The following FABP6 variants were observed in gnomAD, a reference collection of about 807,000 sequenced individuals.
The protein encoded by FABP6 is fatty acid binding protein 6, also known as gastrotropin.
In FABP6, 13 loss-of-function variants were observed where a neutral mutation model predicts 14.9. That is an observed-to-expected ratio of 0.87 (90% confidence interval 0.57 to 1.39). The LOEUF (loss-of-function observed/expected upper bound fraction) is 1.39. Among genes scored for constraint, FABP6 ranks in the 40% most tolerant of loss-of-function variants. The pLI is 0.00. For missense variants in FABP6, 161 were observed against 167.2 expected, an observed-to-expected ratio of 0.96 and a Z score of 0.20; for synonymous variants, 75 against 63.6, an observed-to-expected ratio of 1.18 and a Z score of -0.85.
At chr5:160,218,314 A>G (rs1760058802) in intron 3 of FABP6, among the ~76,000 whole-genome samples, 1 of 152,152 alleles carries the variant, frequency 6.6e-6, no homozygotes, top group Admixed American at 6.6e-5. Context: ...ACACAAAAAA[A>G]TAAATAAGGT....
intron 1 of FABP6, among the ~76,000 whole-genome samples, chr5:160,231,551 G>A (rs548803726): frequency 1.3e-5 from 2 of 152,138 alleles, no homozygotes; most frequent in Admixed American, 6.5e-5. Context: ...CTGCCACCAT[G>A]CCCAGATAAT....
intron 3 of FABP6, among the ~76,000 whole-genome samples, chr5:160,219,439 G>T (rs868445679): frequency 6.6e-6 from 1 of 152,178 alleles, no homozygotes; most frequent in Non-Finnish European, 1.5e-5. Flanking sequence ...TATGGAGGCA[G>T]TTTGAGTTCA....
At chr5:160,225,729 C>T (rs987651192), upstream of FABP6, among the ~76,000 whole-genome samples, 84 of 152,130 alleles carry the variant, frequency 5.5e-4, no homozygotes, top group African/African-American at 1.9e-3. Flanking sequence ...AAACATGGGA[C>T]CGTGTTTACA....
intron 3 of FABP6, among the ~76,000 whole-genome samples, chr5:160,214,853 G>T (rs189003511): frequency 2.5e-4 from 38 of 152,092 alleles, no homozygotes; most frequent in Admixed American, 6.5e-4. Flanking sequence ...TGTGGAACAG[G>T]CAGAGACACA....
exon 2 of FABP6, chr5:160,199,049 A>T: frequency 6.3e-7 from 1 of 1,594,566 alleles, no homozygotes; most frequent in Non-Finnish European, 8.6e-7. Context: ...GTCATTGCAG[A>T]CTTTGCACCT....
chr5:160,208,306 T>C (rs1414264137), intron 2 of FABP6, among the ~76,000 whole-genome samples: 1 of 151,692 alleles, frequency 6.6e-6, no homozygotes, highest in Non-Finnish European at 1.5e-5. Flanking sequence ...GGTGAGGTGG[T>C]GCATGCCTTT....
chr5:160,218,656 T>A (rs1760067946), intron 3 of FABP6, among the ~76,000 whole-genome samples: 1 of 151,946 alleles, frequency 6.6e-6, no homozygotes, highest in Non-Finnish European at 1.5e-5. Flanking sequence ...AGACGGGGTT[T>A]CGCCATGTTG....
intron 3 of FABP6, among the ~76,000 whole-genome samples, chr5:160,216,548 A>G (rs1760016905): frequency 6.6e-6 from 1 of 152,124 alleles, no homozygotes; most frequent in African/African-American, 2.4e-5. Context: ...GATTACAGGC[A>G]TGAGCCACCG....
Position 160,232,293 on chromosome 5 carries a change from C to A in FABP6, c.243+20C>A. The A allele has an allele frequency of 1.9e-6, 3 of 1,566,736 alleles. No homozygotes were observed. The highest frequency in any genetic ancestry group is 1.8e-5 in the Admixed American group (1 of 54,854). ...TTCAAGGTGAGAGGCCACTGGCTGT[C>A]CCCCTCCTTCCCCAGGCCTCCATCT... On this transcript the variant is annotated intron_variant, in intron 2 of 3. Transcript: ENST00000402432.
chr5:160,238,633 G>A lies in FABP6; in HGVS notation c.361G>A (p.Glu121Lys), dbSNP rs1379368786. Residue 121 changes from glutamate to lysine, a missense_variant, in exon 4 of 4, where the codon GAG becomes AAG. Physicochemically the swap from Glu to Lys is moderately conservative, Grantham distance 56. Coordinates refer to ENST00000402432, the MANE Select transcript of FABP6 (RefSeq NM_001445.3). The part of the protein sequence containing the change: ...EVSTIGGVTY[E>K]RVSKRLA ...CTCCACCATCGGAGGCGTGACCTAT[G>A]AGCGCGTGAGCAAGAGACTGGCCTA... 8 of 1,614,068 alleles carry A rather than the reference G, an allele frequency of 5.0e-6. No homozygotes were observed. The highest frequency in any genetic ancestry group is 1.1e-5 in the South Asian group (1 of 91,068).
At chr5:160,202,908 C>CA (rs1554112306) in intron 2 of FABP6, among the ~76,000 whole-genome samples, 2 of 147,688 alleles carry the variant, frequency 1.4e-5, no homozygotes, top group Non-Finnish European at 3.0e-5. Flanking sequence ...AGAAGCTGGG[C>CA]TTTTTTTTTT....
chr5:160,219,226 C>T (rs1196048623), intron 3 of FABP6, among the ~76,000 whole-genome samples: 2 of 152,100 alleles, frequency 1.3e-5, no homozygotes, highest in Non-Finnish European at 2.9e-5. Context: ...CAGGGCTCCT[C>T]CTCACCCATG....
intron 2 of FABP6, among the ~76,000 whole-genome samples, chr5:160,201,076 T>A (rs887775167): frequency 6.6e-6 from 1 of 151,978 alleles, no homozygotes; most frequent in African/African-American, 2.4e-5. Flanking sequence ...TAGTTTTGAG[T>A]TGGGTGCCAT....
chr5:160,227,602 C>T (rs1255487286), upstream of FABP6, among the ~76,000 whole-genome samples: 1 of 150,378 alleles, frequency 6.6e-6, no homozygotes, highest in Non-Finnish European at 1.5e-5. Context: ...GGGAGGATCA[C>T]TGGAGCCTGG....
chr5:160,201,713 C>G (rs1759644741), intron 2 of FABP6, among the ~76,000 whole-genome samples: 1 of 134,470 alleles, frequency 7.4e-6, no homozygotes. Context: ...GCCACCTGTC[C>G]TGTTTTCTCC....
intron 3 of FABP6, among the ~76,000 whole-genome samples, chr5:160,221,763 C>A (rs1318361033): frequency 1.3e-5 from 2 of 151,960 alleles, no homozygotes; most frequent in Non-Finnish European, 2.9e-5. Context: ...TGATGTATAT[C>A]TATGTATATA....
chr5:160,213,722 C>G (rs1759945272), intron 2 of FABP6: 2 of 1,612,382 alleles, frequency 1.2e-6, no homozygotes, highest in Non-Finnish European at 1.7e-6. Context: ...CAGATTATTT[C>G]TCTTCTGACT....
chr5:160,206,224 G>A (rs768698146), intron 2 of FABP6, among the ~76,000 whole-genome samples: 1 of 152,168 alleles, frequency 6.6e-6, no homozygotes, highest in Non-Finnish European at 1.5e-5. Flanking sequence ...GAGGTCAGGA[G>A]TTTGAGACCA....
intron 3 of FABP6, among the ~76,000 whole-genome samples, chr5:160,236,163 CCACCATCA>C (rs1760511381): frequency 6.6e-6 from 1 of 151,928 alleles, no homozygotes; most frequent in Non-Finnish European, 1.5e-5. Flanking sequence ...TTACAGGAGC[CCACCATCA>C]CATCTGGCTA....
Sources: allele counts gnomAD v4.1 joint callset (sites outside exome capture counted in the v4.1 genomes callset), GRCh38; gene constraint gnomAD v4.1.1; transcripts MANE v1.5; gene names NCBI Gene and HGNC (gene_info 2026-07-23, HGNC 2026-07-21).